ZFAND3: variants seen among roughly 807,000 people sequenced by gnomAD.
The protein encoded by ZFAND3 is AN1-type zinc finger protein 3.
ZFAND3 carries 10 observed loss-of-function variants against 29.6 expected under a neutral mutation model. The ratio of observed to expected loss-of-function variants is 0.34; its 90% CI spans 0.21 to 0.57. The LOEUF is 0.57. Ranked by LOEUF, ZFAND3 falls within the 20% of genes least tolerant of loss-of-function variation. The pLI, the probability that ZFAND3 is intolerant of heterozygous loss-of-function variation, is 0.86. For missense variants in ZFAND3, 230 were observed against 304.5 expected, an observed-to-expected ratio of 0.76 and a Z score of 1.82; for synonymous variants, 128 against 112.6, an observed-to-expected ratio of 1.14 and a Z score of -0.87.
Position 38,154,330 on chromosome 6 carries a change from G to A in ZFAND3, c.*1941G>A. 1.0e-6 allele frequency: 1 copy of A among 984,872 alleles called. No individual in the cohort carries two copies. Among genetic ancestry groups the A allele is most frequent in the Non-Finnish European group, 1.2e-6 (1 of 829,760 alleles). The allele number at this position is 984,872 out of a possible 1,614,324, so 61.0% of individuals were successfully genotyped here. A position where few individuals can be genotyped will look rare whatever the true frequency, so the allele number is the denominator to read the frequency against. ...CCATGGGAAGGAGCCCAGGGGAGCT[G>A]GCCTGGGGGAGCGAAGCCCATGTTC... On this transcript the variant is annotated 3_prime_UTR_variant, in exon 6 of 6. Transcript: ENST00000287218.
At chr6:37,907,211 C>T (rs1765425286) in intron 1 of ZFAND3, among the ~76,000 whole-genome samples, 1 of 152,046 alleles carries the variant, frequency 6.6e-6, no homozygotes. Flanking sequence ...TATTCCTCTC[C>T]CAACTTTTTT....
rs570525882 is a variant in ZFAND3, at chr6:37,922,482, T to G, written c.72-7477T>G. Among the ~76,000 whole-genome samples, 5 of 152,358 alleles carry G rather than the reference T, an allele frequency of 3.3e-5. No homozygotes were observed. In the East Asian group the frequency reaches 9.6e-4, roughly 29 times the overall value. Reference sequence around the variant, plus strand: ...CTGTAGATTTTCATTATGCATTTCTTTATGAAATTTTTGTATATACACAAA... The same window carrying G: ...CTGTAGATTTTCATTATGCATTTCTGTATGAAATTTTTGTATATACACAAA... On this transcript the variant is annotated intron_variant, in intron 1 of 5. Coordinates refer to ENST00000287218, the MANE Select transcript of ZFAND3 (RefSeq NM_021943.3).
intron 1 of ZFAND3, among the ~76,000 whole-genome samples, chr6:37,871,510 A>G (rs1221420027): frequency 1.3e-5 from 2 of 152,252 alleles, no homozygotes; most frequent in East Asian, 3.8e-4. Flanking sequence ...ATCCTGGGCC[A>G]GAATAAAGAT....
chr6:37,970,654 A>C (rs576035776), intron 2 of ZFAND3, among the ~76,000 whole-genome samples: 3 of 152,330 alleles, frequency 2.0e-5, no homozygotes, highest in African/African-American at 7.2e-5. Context: ...CTGTAATCCC[A>C]GCACTTTGGG....
At chr6:37,939,606 G>A (rs1480436810) in intron 2 of ZFAND3, among the ~76,000 whole-genome samples, 1 of 152,124 alleles carries the variant, frequency 6.6e-6, no homozygotes, top group Non-Finnish European at 1.5e-5. Flanking sequence ...AAACAGAAAT[G>A]GAAGAGATGT....
chr6:38,147,691 C>A (rs898214755), intron 5 of ZFAND3, among the ~76,000 whole-genome samples: 1 of 152,124 alleles, frequency 6.6e-6, no homozygotes, highest in Admixed American at 6.5e-5. Flanking sequence ...GGTAAGATAT[C>A]TCATTGTGGT....
chr6:38,011,885 T>C (rs1174256649), intron 2 of ZFAND3, among the ~76,000 whole-genome samples: 1 of 152,244 alleles, frequency 6.6e-6, no homozygotes, highest in Non-Finnish European at 1.5e-5. Flanking sequence ...TTTTAACCTG[T>C]TTCTCAGCTA....
chr6:37,938,199 T>C (rs1228077256), intron 2 of ZFAND3, among the ~76,000 whole-genome samples: 1 of 152,254 alleles, frequency 6.6e-6, no homozygotes, highest in Non-Finnish European at 1.5e-5. Context: ...TTTTAAATAA[T>C]GCTTTTAGAA....
chr6:38,087,271 T>C (rs1192223342), intron 4 of ZFAND3, among the ~76,000 whole-genome samples: 5 of 152,142 alleles, frequency 3.3e-5, no homozygotes, highest in African/African-American at 7.2e-5. Flanking sequence ...TCCAGGACAT[T>C]GGTCTGGGCA....
At chr6:38,114,031 G>A (rs1023714656) in intron 4 of ZFAND3, among the ~76,000 whole-genome samples, 8 of 152,318 alleles carry the variant, frequency 5.3e-5, no homozygotes, top group African/African-American at 1.9e-4. Context: ...ATTGTGCCAA[G>A]GCCCTCCAGA....
intron 1 of ZFAND3, among the ~76,000 whole-genome samples, chr6:37,924,707 T>C (rs930823640): frequency 1.3e-5 from 2 of 151,466 alleles, no homozygotes; most frequent in South Asian, 2.1e-4. Context: ...TAGAGTCTTA[T>C]CTGCTTGGGA....
intron 1 of ZFAND3, among the ~76,000 whole-genome samples, chr6:37,922,904 G>A (rs259689): frequency 0.3 from 44,874 of 151,916 alleles, 7,386 homozygotes; most frequent in Non-Finnish European, 0.38. Flanking sequence ...ATGTTACTGT[G>A]GATGTTATAA....
At chr6:37,899,299 T>C (rs972800327) in intron 1 of ZFAND3, among the ~76,000 whole-genome samples, 2 of 152,260 alleles carry the variant, frequency 1.3e-5, no homozygotes, top group African/African-American at 4.8e-5. Flanking sequence ...TTCCACTTGC[T>C]AGAATCTCTA....
At chr6:37,999,849 G>T (rs915993583) in intron 2 of ZFAND3, among the ~76,000 whole-genome samples, 5 of 152,128 alleles carry the variant, frequency 3.3e-5, no homozygotes, top group Non-Finnish European at 5.9e-5. Context: ...AGTTAATAGG[G>T]TGTCAATATT....
intron 1 of ZFAND3, among the ~76,000 whole-genome samples, chr6:37,851,836 A>G (rs1464118996): frequency 1.3e-5 from 2 of 152,232 alleles, no homozygotes; most frequent in Non-Finnish European, 2.9e-5. Flanking sequence ...ACCAGCTATT[A>G]TAGTGTAAGT....
chr6:37,964,353 C>T (rs1762254374), intron 2 of ZFAND3, among the ~76,000 whole-genome samples: 1 of 152,152 alleles, frequency 6.6e-6, no homozygotes, highest in Non-Finnish European at 1.5e-5. Context: ...ACCTGTGTGG[C>T]TCTTGGGGAA....
At chr6:38,106,855 G>T (rs1397217725) in intron 4 of ZFAND3, among the ~76,000 whole-genome samples, 1 of 152,134 alleles carries the variant, frequency 6.6e-6, no homozygotes, top group Non-Finnish European at 1.5e-5. Flanking sequence ...CTGTTGTCAT[G>T]GCCCTGGACA....
rs1764959423 is a variant in ZFAND3, at chr6:37,884,707, G to A, written c.72-45252G>A. On this transcript the variant is annotated intron_variant, in intron 1 of 5. Transcript: ENST00000287218. ...GGCAAGATTACCAACAAGTACATTA[G>A]ATTGTAGGGTCATTCCAGGTATGCA... 1.7e-5 allele frequency among the ~76,000 whole-genome samples: 2 copies of A among 120,488 alleles called. 1 individual carries two copies. The highest frequency in any genetic ancestry group is 8.9e-5 in the African/African-American group (2 of 22,506). The allele number at this position is 120,488 out of a possible 152,430, so 79.0% of individuals were successfully genotyped here.
chr6:38,010,704 A>G (rs1417347047), intron 2 of ZFAND3, among the ~76,000 whole-genome samples: 4 of 151,362 alleles, frequency 2.6e-5, no homozygotes, highest in African/African-American at 9.7e-5. Context: ...GGTTCAAGCA[A>G]TTCTCTTGCC....
Sources: gnomAD v4.1 joint callset for allele counts (sites outside exome capture counted in the v4.1 genomes callset) on GRCh38, gnomAD v4.1.1 for gene constraint, MANE v1.5 for transcripts, NCBI Gene and HGNC (gene_info 2026-07-23, HGNC 2026-07-21) for gene names.